FOXP2: variants seen among roughly 807,000 people sequenced by gnomAD.
The protein encoded by FOXP2 is forkhead box protein P2.
Under a neutral mutation model 115.8 loss-of-function variants are expected in FOXP2, and 12 were observed. That is an observed-to-expected ratio of 0.10 (90% CI 0.07 to 0.17). FOXP2 has a LOEUF of 0.17. FOXP2 is among the 10% of genes least tolerant of loss of function. The probability of loss-of-function intolerance (pLI) is 1.00; values close to 1 mark genes in which losing one functional copy is unlikely to be tolerated. For missense variants in FOXP2, 629 were observed against 843.5 expected, an observed-to-expected ratio of 0.75 and a Z score of 3.15; for synonymous variants, 328 against 297.7, an observed-to-expected ratio of 1.10 and a Z score of -1.05.
intron 1 of FOXP2, among the ~76,000 whole-genome samples, chr7:114,200,824 A>G (rs886591141): frequency 3.9e-5 from 6 of 152,140 alleles, no homozygotes; most frequent in African/African-American, 1.2e-4. Context: ...TCTTTTTTCT[A>G]AACATTGACC....
intron 2 of FOXP2, among the ~76,000 whole-genome samples, chr7:114,506,677 G>T (rs1243237664): frequency 1.3e-5 from 2 of 151,518 alleles, no homozygotes; most frequent in East Asian, 3.9e-4. Context: ...AGCATCAAAG[G>T]TTATACCAAA....
At chr7:114,652,862 G>A (rs764731839) in intron 9 of FOXP2, among the ~76,000 whole-genome samples, 6 of 151,980 alleles carry the variant, frequency 3.9e-5, no homozygotes, top group Non-Finnish European at 5.9e-5. Flanking sequence ...TATCAAATGC[G>A]ACTGTTTTAA....
chr7:114,322,439 C>T (rs1025186752), intron 2 of FOXP2, among the ~76,000 whole-genome samples: 1 of 151,938 alleles, frequency 6.6e-6, no homozygotes, highest in African/African-American at 2.4e-5. Flanking sequence ...CTGCTTGAGG[C>T]CAGCCTGGGC....
At chr7:114,619,306 A>C (rs1427892338) in intron 3 of FOXP2, among the ~76,000 whole-genome samples, 1 of 152,116 alleles carries the variant, frequency 6.6e-6, no homozygotes, top group Non-Finnish European at 1.5e-5. Flanking sequence ...TCTTTGTAAA[A>C]CCAAAACGGG....
intron 1 of FOXP2, among the ~76,000 whole-genome samples, chr7:114,147,055 T>C (rs1562981120): frequency 6.6e-6 from 1 of 152,202 alleles, no homozygotes; most frequent in African/African-American, 2.4e-5. Flanking sequence ...TTACATGAAA[T>C]ATTCCTTAGG....
At chr7:114,407,749 T>A (rs1427195292) in intron 2 of FOXP2, among the ~76,000 whole-genome samples, 2 of 152,172 alleles carry the variant, frequency 1.3e-5, no homozygotes, top group Non-Finnish European at 1.5e-5. Context: ...GACCTTTGTA[T>A]TTATTTATAG....
At chr7:114,393,884 C>T (rs1030876384) in intron 2 of FOXP2, among the ~76,000 whole-genome samples, 3 of 151,778 alleles carry the variant, frequency 2.0e-5, no homozygotes, top group East Asian at 1.9e-4. Context: ...TGTGTTGAAT[C>T]GGAAGGCATA....
chr7:114,120,670 ATG>A (rs571409501), intron 1 of FOXP2, among the ~76,000 whole-genome samples: 15,294 of 146,816 alleles, frequency 0.1, 1,566 homozygotes, highest in African/African-American at 0.27. Flanking sequence ...TCATATATGT[ATG>A]TGTGTGTGTG....
At chr7:114,494,871 T>C (rs1797238815) in intron 2 of FOXP2, among the ~76,000 whole-genome samples, 1 of 152,190 alleles carries the variant, frequency 6.6e-6, no homozygotes, top group South Asian at 2.1e-4. Context: ...CTCTTAAAAT[T>C]CTGCCATTTA....
At chr7:114,086,540 T>A (rs1183650058), upstream of FOXP2, 8 of 406,418 alleles carry the variant, frequency 2.0e-5, no homozygotes, top group Non-Finnish European at 3.4e-5. Flanking sequence ...GTGGGTGTGT[T>A]GTTTGGGGGC....
chr7:114,507,798 A>G (rs1409124951), intron 2 of FOXP2, among the ~76,000 whole-genome samples: 1 of 152,002 alleles, frequency 6.6e-6, no homozygotes, highest in Non-Finnish European at 1.5e-5. Context: ...TTCCATAGAT[A>G]CCCCTAACTT....
chr7:114,686,916 G>A (rs1434767309), intron 16 of FOXP2, among the ~76,000 whole-genome samples: 3 of 152,074 alleles, frequency 2.0e-5, no homozygotes, highest in African/African-American at 7.2e-5. Flanking sequence ...GGATTCCATT[G>A]CAGTTGAACT....
chr7:114,352,385 T>C (rs1562883125), intron 2 of FOXP2, among the ~76,000 whole-genome samples: 1 of 152,192 alleles, frequency 6.6e-6, no homozygotes, highest in Non-Finnish European at 1.5e-5. Flanking sequence ...TTAAGCTTTG[T>C]TGTGGAAATC....
chr7:114,654,839 T>TA (rs1318706340), intron 10 of FOXP2, among the ~76,000 whole-genome samples: 5 of 152,112 alleles, frequency 3.3e-5, no homozygotes, highest in African/African-American at 7.2e-5. Context: ...TTTCTTTAGG[T>TA]AAAAAACGAA....
At chr7:114,556,067 G>A (rs1037421743) in intron 3 of FOXP2, among the ~76,000 whole-genome samples, 1 of 152,130 alleles carries the variant, frequency 6.6e-6, no homozygotes, top group Non-Finnish European at 1.5e-5. Flanking sequence ...AAAGCAAATG[G>A]CAGTGATGGA....
chr7:114,664,454 AC>A lies in FOXP2; in HGVS notation c.2003+19del. Reference sequence around the variant, plus strand: ...CCGCACATGTAAGTGTGGTTAACAGACTCTCTAAAGGGAAGAATCTATATTA... The same window carrying A: ...CCGCACATGTAAGTGTGGTTAACAGATCTCTAAAGGGAAGAATCTATATTA... On this transcript the variant is annotated intron_variant, in intron 16 of 16. Coordinates refer to ENST00000350908, the MANE Select transcript of FOXP2 (RefSeq NM_014491.4). 1.2e-6 allele frequency: 2 copies of A among 1,613,032 alleles called. No homozygotes were observed. Among genetic ancestry groups the A allele is most frequent in the Non-Finnish European group, 1.7e-6 (2 of 1,179,448 alleles).
intron 2 of FOXP2, among the ~76,000 whole-genome samples, chr7:114,366,167 C>T (rs1360776018): frequency 6.6e-6 from 1 of 152,042 alleles, no homozygotes; most frequent in Non-Finnish European, 1.5e-5. Context: ...TGTTTATGTC[C>T]TTTGAGAAGT....
chr7:114,369,550 T>C (rs1485051704), intron 2 of FOXP2, among the ~76,000 whole-genome samples: 1 of 152,098 alleles, frequency 6.6e-6, no homozygotes, highest in Non-Finnish European at 1.5e-5. Flanking sequence ...AAAAAGGATA[T>C]GAAGTCCCAT....
intron 3 of FOXP2, among the ~76,000 whole-genome samples, chr7:114,589,960 A>G (rs1802362243): frequency 6.6e-6 from 1 of 151,936 alleles, no homozygotes; most frequent in Admixed American, 6.6e-5. Flanking sequence ...AAACAGAGAG[A>G]AGGGAGGTGG....
Sources: allele counts gnomAD v4.1 joint callset (sites outside exome capture counted in the v4.1 genomes callset), GRCh38; gene constraint gnomAD v4.1.1; transcripts MANE v1.5; gene names NCBI Gene and HGNC (gene_info 2026-07-23, HGNC 2026-07-21).